NAT10: variants seen among roughly 807,000 people sequenced by gnomAD.
NAT10 encodes RNA cytidine acetyltransferase.
A neutral mutation model predicts 132.2 loss-of-function variants in NAT10; 109 were observed. The observed-to-expected ratio is 0.82, with a 90% CI of 0.71 to 0.97. NAT10 has a LOEUF of 0.97. Among genes scored for constraint, NAT10 ranks in the 50% least tolerant of loss-of-function variants. The pLI, the probability that NAT10 is intolerant of heterozygous loss-of-function variation, is 0.00. For synonymous variants in NAT10, 479 were observed against 478.0 expected (o/e 1.00, Z -0.03); for missense variants, 1,184 against 1,263.4 (o/e 0.94, Z 0.95).
At position 34,105,663 on chromosome 11, in the gene NAT10, C is replaced by T. The variant is rs544136743; in HGVS notation, c.-145C>T. On this transcript the variant is annotated 5_prime_UTR_variant, in exon 1 of 29. Coordinates refer to ENST00000257829, the MANE Select transcript of NAT10 (RefSeq NM_024662.3). Reference sequence around the variant, plus strand: ...GAGGGACGCGTGCCGCGGAGCCAGGCTTACTACGTGACCCGGACACCAGGC... The same window carrying T: ...GAGGGACGCGTGCCGCGGAGCCAGGTTTACTACGTGACCCGGACACCAGGC... 6.6e-6 allele frequency: 1 copy of T among 152,482 alleles called. No individual in the cohort carries two copies. The highest frequency in any genetic ancestry group is 6.5e-5 in the Admixed American group (1 of 15,302). 9.4% of individuals were successfully genotyped at this position (152,482 alleles called of 1,614,324 possible).
At chr11:34,106,096 C>A in intron 1 of NAT10, 1 of 152,872 alleles carries the variant, frequency 6.5e-6, no homozygotes, top group Non-Finnish European at 1.5e-5. Flanking sequence ...CAGTTGTTTT[C>A]CGTGGAGCTT....
chr11:34,126,005 G>T (rs1213577255), intron 11 of NAT10, among the ~76,000 whole-genome samples: 2 of 152,140 alleles, frequency 1.3e-5, no homozygotes, highest in Non-Finnish European at 2.9e-5. Context: ...AGAAATGGGT[G>T]GGGTTGCCGC....
In NAT10 at chr11:34,135,216, C is replaced by T. The variant is rs755637179; in HGVS notation, c.1953C>T (p.Tyr651=). The change falls in exon 19 of 29, where the codon TAC becomes TAT. Residue 651 remains tyrosine (Y), a synonymous_variant. Coordinates refer to ENST00000257829, the MANE Select transcript of NAT10 (RefSeq NM_024662.3). ...GSRALQLLQM[Y]YEGRFPCLEE... is the part of the protein sequence containing the mutation. ...GTGCTCTGCAGCTGCTGCAGATGTA[C>T]TATGAAGGCAGGTTTCCTTGTCTGG... 14 of 1,614,004 alleles carry T rather than the reference C, an allele frequency of 8.7e-6. No individual in the cohort carries two copies. Among genetic ancestry groups the T allele is most frequent in the Non-Finnish European group, 1.2e-5 (14 of 1,180,008 alleles).
intron 1 of NAT10, 75 bp from the exon 2 acceptor site, chr11:34,108,136 C>T (rs774907002): frequency 6.6e-5 from 64 of 964,824 alleles, no homozygotes; most frequent in Middle Eastern, 2.1e-4. Context: ...AGTCCCAGGC[C>T]CCACAAAAGG....
chr11:34,136,084 A>ATT (rs776894333), intron 19 of NAT10, among the ~76,000 whole-genome samples: 3 of 141,134 alleles, frequency 2.1e-5, no homozygotes, highest in South Asian at 2.3e-4. Context: ...TCTGTTGGGC[A>ATT]TTTTTTTTTT....
intron 1 of NAT10, among the ~76,000 whole-genome samples, chr11:34,106,448 A>AC (rs1235336555): frequency 6.8e-6 from 1 of 147,500 alleles, no homozygotes; most frequent in Non-Finnish European, 1.5e-5. Flanking sequence ...ATCTAATTTT[A>AC]CCTGTGTTCT....
chr11:34,117,647 A>T (rs1181742039), intron 6 of NAT10, among the ~76,000 whole-genome samples: 2 of 152,192 alleles, frequency 1.3e-5, no homozygotes, highest in African/African-American at 4.8e-5. Flanking sequence ...CAGTGGGAGG[A>T]TGTTTGAATT....
intron 2 of NAT10, 69 bp downstream of exon 2, chr11:34,108,402 C>A: frequency 1.6e-6 from 2 of 1,289,812 alleles, no homozygotes; most frequent in Non-Finnish European, 1.1e-6. Flanking sequence ...TTTAAGCACT[C>A]TGCTGTTTCA....
intron 21 of NAT10, among the ~76,000 whole-genome samples, chr11:34,137,626 C>T (rs373220272): frequency 2.3e-4 from 35 of 152,140 alleles, no homozygotes; most frequent in African/African-American, 7.5e-4. Context: ...CTGTATTCCT[C>T]GCACTTAGAG....
chr11:34,138,659 G>A (rs912114274), intron 21 of NAT10, among the ~76,000 whole-genome samples: 1 of 152,168 alleles, frequency 6.6e-6, no homozygotes, highest in Non-Finnish European at 1.5e-5. Flanking sequence ...TTGTGACTTG[G>A]TGGTGTTTTT....
At chr11:34,121,911 C>T (rs1465575836) in intron 8 of NAT10, among the ~76,000 whole-genome samples, 3 of 146,976 alleles carry the variant, frequency 2.0e-5, no homozygotes, top group African/African-American at 7.5e-5. Context: ...TGCCATGGCT[C>T]ACCCCTGTAA....
chr11:34,146,266 T>G lies in NAT10; in HGVS notation c.*74T>G. On this transcript the variant is annotated 3_prime_UTR_variant, in exon 29 of 29. Coordinates refer to ENST00000257829, the MANE Select transcript of NAT10 (RefSeq NM_024662.3). ...CTAACTGAACCCTCTCTGGCTGGAC[T>G]GTTAAAAGCAACGAGAGGCCCCGGC... 4 of 1,170,808 alleles carry G rather than the reference T, an allele frequency of 3.4e-6. No homozygotes were observed. Among genetic ancestry groups the G allele is most frequent in the Non-Finnish European group, 4.8e-6 (4 of 836,474 alleles). The allele number at this position is 1,170,808 out of a possible 1,614,324, so 72.5% of individuals were successfully genotyped here. A position where few individuals can be genotyped will look rare whatever the true frequency, so the allele number is the denominator to read the frequency against.
rs1048464232 is a variant in NAT10, at chr11:34,113,782, G to C, written c.439G>C (p.Val147Leu). 6.2e-7 allele frequency: 1 copy of C among 1,614,118 alleles called. No individual in the cohort carries two copies. Among genetic ancestry groups the C allele is most frequent in the Non-Finnish European group, 8.5e-7 (1 of 1,180,010 alleles). Residue 147 changes from valine (V) to leucine (L), a missense_variant, in exon 5 of 29, where the codon GTG becomes CTG. By Grantham distance (32) the Val-to-Leu change is conservative. Coordinates refer to ENST00000257829, the MANE Select transcript of NAT10 (RefSeq NM_024662.3). Reference sequence around the variant, plus strand: ...AGAAACAGTGGAAGGTGGTGGGCTAGTGGTCATCCTCCTACGGACCATGAA... The same window carrying C: ...AGAAACAGTGGAAGGTGGTGGGCTACTGGTCATCCTCCTACGGACCATGAA... ...TVETVEGGGL[V>L]VILLRTMNSL...
In NAT10 at chr11:34,136,744, GT is replaced by G. The variant is rs752526389; in HGVS notation, c.2134del (p.Ser712ProfsTer4). ...TGCCGAACGCCTGGATTACCTGGGT[GT>G]TTCCTATGGCTTGACCCCCAGGCTC... The part of the protein sequence containing the change: ...RPAERLDYLG[V>X]SYGLTPRLLK... On this transcript the variant is annotated frameshift_variant, in exon 20 of 29. Transcript: ENST00000257829. LOFTEE classifies it high-confidence loss of function. 42 of 1,614,158 alleles carry G rather than the reference GT, an allele frequency of 2.6e-5. No homozygotes were observed. Among genetic ancestry groups the G allele is most frequent in the Non-Finnish European group, 3.5e-5 (41 of 1,180,022 alleles).
intron 9 of NAT10, 95 bp downstream of exon 9, chr11:34,122,687 G>T: frequency 6.9e-7 from 1 of 1,453,788 alleles, no homozygotes; most frequent in Non-Finnish European, 9.4e-7. Flanking sequence ...CACGTTCCTA[G>T]TTCTGAGTTC....
rs1421116386 is a variant in NAT10, at chr11:34,142,070, G to A, written c.2812-205G>A. 4.8e-6 allele frequency: 3 copies of A among 628,308 alleles called. No homozygotes were observed. The East Asian group carries it at 8.2e-5, about 17-fold the overall frequency. The allele number at this position is 628,308 out of a possible 1,614,324, so 38.9% of individuals were successfully genotyped here. A position where few individuals can be genotyped will look rare whatever the true frequency, so the allele number is the denominator to read the frequency against. On this transcript the variant is annotated intron_variant, in intron 26 of 28. Coordinates refer to ENST00000257829, the MANE Select transcript of NAT10 (RefSeq NM_024662.3). ...TTCCAGCATCTGTTGGAAATGTTTT[G>A]TCTTTTTTGGTGACTTCTTAAATGC...
At chr11:34,132,079 G>C in intron 14 of NAT10, 46 bp from the exon 15 acceptor site, 1 of 1,425,520 alleles carries the variant, frequency 7.0e-7, no homozygotes, top group Non-Finnish European at 9.9e-7. Context: ...AGTATGACCT[G>C]TCTTCGGCTA....
intron 25 of NAT10, among the ~76,000 whole-genome samples, chr11:34,141,453 T>C (rs201260764): frequency 5.1e-4 from 66 of 130,548 alleles, no homozygotes; most frequent in Middle Eastern, 3.9e-3. Flanking sequence ...CACACACACG[T>C]GCGCGCGCAA....
At chr11:34,139,650 C>T in intron 23 of NAT10, 155 bp downstream of exon 23, 2 of 628,878 alleles carry the variant, frequency 3.2e-6, no homozygotes, top group Non-Finnish European at 5.6e-6. Context: ...GGCCCCTGCT[C>T]TGTCCCAGGC....
Sources: allele counts gnomAD v4.1 joint callset (sites outside exome capture counted in the v4.1 genomes callset), GRCh38; gene constraint gnomAD v4.1.1; transcripts MANE v1.5; gene names NCBI Gene and HGNC (gene_info 2026-07-23, HGNC 2026-07-21).